The following NRG3 variants were observed in gnomAD, a reference collection of about 807,000 sequenced individuals.
NRG3 encodes neuregulin 3.
In NRG3, 31 loss-of-function variants were observed where a neutral mutation model predicts 66.9. The observed-to-expected ratio is 0.46, with a 90% confidence interval of 0.35 to 0.63. The LOEUF (loss-of-function observed/expected upper bound fraction) is 0.63, where lower values mean the gene tolerates loss of function less well. Among genes scored for constraint, NRG3 ranks in the 20% least tolerant of loss-of-function variants. The pLI is 0.00. For missense variants in NRG3, 910 were observed against 878.9 expected (o/e 1.04, Z -0.45); for synonymous variants, 393 against 359.4 (o/e 1.09, Z -1.06).
intron 4 of NRG3, among the ~76,000 whole-genome samples, chr10:82,867,261 A>T (rs1210788102): frequency 2.0e-5 from 3 of 152,218 alleles, no homozygotes; most frequent in African/African-American, 7.2e-5. Context: ...TTTCAATATT[A>T]CGTAGGTTTC....
At chr10:82,232,714 G>T (rs760557142) in intron 1 of NRG3, 9 of 716,654 alleles carry the variant, frequency 1.3e-5, no homozygotes, top group Non-Finnish European at 1.8e-5. Context: ...GGAGAGACTC[G>T]AGAAAATAAA....
chr10:82,460,969 T>C (rs2131963181), intron 2 of NRG3, among the ~76,000 whole-genome samples: 1 of 152,330 alleles, frequency 6.6e-6, no homozygotes, highest in South Asian at 2.1e-4. Flanking sequence ...TTCTAAGTTA[T>C]ACTTCTTTAT....
intron 1 of NRG3, among the ~76,000 whole-genome samples, chr10:82,098,272 ATATATATATGTCATT>A (rs1375278923): frequency 1.4e-4 from 19 of 140,052 alleles, no homozygotes; most frequent in Non-Finnish European, 2.6e-4. Flanking sequence ...TATAGATGTC[ATATATATATGTCATT>A]TATATATATG....
intron 1 of NRG3, among the ~76,000 whole-genome samples, chr10:81,990,762 C>T (rs17648057): frequency 0.034 from 5,111 of 151,976 alleles, 110 homozygotes; most frequent in Non-Finnish European, 0.048. Flanking sequence ...GCTGAAATGC[C>T]TTTTATATTG....
intron 4 of NRG3, among the ~76,000 whole-genome samples, chr10:82,944,837 G>A (rs1848868252): frequency 6.6e-6 from 1 of 152,102 alleles, no homozygotes; most frequent in Non-Finnish European, 1.5e-5. Flanking sequence ...AAAACATGAG[G>A]TCATATCTTA....
At chr10:82,907,417 T>C (rs1018723891) in intron 4 of NRG3, among the ~76,000 whole-genome samples, 1 of 152,232 alleles carries the variant, frequency 6.6e-6, no homozygotes, top group Non-Finnish European at 1.5e-5. Flanking sequence ...ATGGATTCTA[T>C]TGTAGTCTCC....
At chr10:82,156,827 C>T (rs2071224543) in intron 1 of NRG3, among the ~76,000 whole-genome samples, 2 of 151,500 alleles carry the variant, frequency 1.3e-5, no homozygotes, top group South Asian at 4.2e-4. Context: ...CATGAAGCTC[C>T]CATACAAATA....
intron 2 of NRG3, among the ~76,000 whole-genome samples, chr10:82,458,381 A>T (rs1352699556): frequency 6.6e-6 from 1 of 152,198 alleles, no homozygotes; most frequent in African/African-American, 2.4e-5. Flanking sequence ...TCTGTTCCAG[A>T]CATTTTCAGA....
chr10:82,631,594 T>C (rs994596617), intron 2 of NRG3, among the ~76,000 whole-genome samples: 1 of 151,832 alleles, frequency 6.6e-6, no homozygotes, highest in African/African-American at 2.4e-5. Flanking sequence ...CGTGGTTTTT[T>C]TTTTTTTTTT....
intron 1 of NRG3, among the ~76,000 whole-genome samples, chr10:81,982,754 C>A (rs1467119049): frequency 1.3e-5 from 2 of 152,156 alleles, no homozygotes; most frequent in African/African-American, 4.8e-5. Flanking sequence ...AGGGCCCACC[C>A]TAAGAGCCTC....
At chr10:82,845,582 G>A (rs904112029) in intron 3 of NRG3, among the ~76,000 whole-genome samples, 1 of 151,648 alleles carries the variant, frequency 6.6e-6, no homozygotes, top group Admixed American at 6.6e-5. Context: ...GAGAAAGACA[G>A]AAGTTGTGGG....
chr10:82,128,609 T>C (rs1483255930), intron 1 of NRG3, among the ~76,000 whole-genome samples: 1 of 152,070 alleles, frequency 6.6e-6, no homozygotes, highest in Admixed American at 6.6e-5. Context: ...AAATATTCTT[T>C]ACCTTGACAT....
intron 1 of NRG3, among the ~76,000 whole-genome samples, chr10:81,906,208 TATCATCATC>T (rs57012883): frequency 3.3e-5 from 5 of 151,548 alleles, no homozygotes; most frequent in Non-Finnish European, 2.9e-5. Flanking sequence ...CTGCTGTTCT[TATCATCATC>T]ATCATCATCA....
At chr10:81,958,988 A>G (rs1850100325) in intron 1 of NRG3, among the ~76,000 whole-genome samples, 1 of 152,210 alleles carries the variant, frequency 6.6e-6, no homozygotes, top group Non-Finnish European at 1.5e-5. Flanking sequence ...ATTAGGAAAT[A>G]AATGTCTACA....
In NRG3 at chr10:82,245,239, C is replaced by T. The variant is rs530156656; in HGVS notation, c.824-113500C>T. On this transcript the variant is annotated intron_variant, in intron 1 of 8. Transcript: ENST00000372141. ...TAGGGAGAGCATAACCTAGATCCCT[C>T]GCATGTGTAGTTCACAATAGGGTTC... Among the ~76,000 whole-genome samples, 9 of 152,198 alleles carry T rather than the reference C, an allele frequency of 5.9e-5. No individual in the cohort carries two copies. In the South Asian group the frequency reaches 8.3e-4, roughly 14 times the overall value.
chr10:82,764,878 A>AAG (rs374242137), intron 3 of NRG3, among the ~76,000 whole-genome samples: 4 of 152,012 alleles, frequency 2.6e-5, no homozygotes, highest in East Asian at 1.9e-4. Flanking sequence ...GAGGAAAGAA[A>AAG]AGAGAGAGAG....
chr10:82,360,298 C>A (rs2084046728), intron 2 of NRG3, among the ~76,000 whole-genome samples: 1 of 152,222 alleles, frequency 6.6e-6, no homozygotes, highest in Non-Finnish European at 1.5e-5. Flanking sequence ...CAGGAATGAG[C>A]TACTCCTTCA....
At chr10:82,831,905 C>T (rs945129612) in intron 3 of NRG3, among the ~76,000 whole-genome samples, 2 of 152,116 alleles carry the variant, frequency 1.3e-5, no homozygotes, top group African/African-American at 4.8e-5. Context: ...TGCACCCACC[C>T]CCCCAACTAC....
intron 1 of NRG3, among the ~76,000 whole-genome samples, chr10:82,154,835 A>C (rs2071065214): frequency 6.6e-6 from 1 of 151,020 alleles, no homozygotes; most frequent in Admixed American, 6.6e-5. Context: ...TGCTTTCTTA[A>C]TTTCTTGTTT....
Sources: allele counts gnomAD v4.1 joint callset (sites outside exome capture counted in the v4.1 genomes callset), GRCh38; gene constraint gnomAD v4.1.1; transcripts MANE v1.5; gene names NCBI Gene and HGNC (gene_info 2026-07-23, HGNC 2026-07-21).